The following MYLIP variants were observed in gnomAD, a reference collection of about 807,000 sequenced individuals.
MYLIP encodes the protein myosin regulatory light chain interacting protein, also known as E3 ubiquitin-protein ligase MYLIP.
A neutral mutation model predicts 45.8 loss-of-function variants in MYLIP; 26 were observed. That is an observed-to-expected ratio of 0.57 (90% CI 0.42 to 0.79). MYLIP has a LOEUF of 0.79. Among genes scored for constraint, MYLIP ranks in the 30% least tolerant of loss-of-function variants. The probability of loss-of-function intolerance (pLI) is 0.00; values close to 1 mark genes in which losing one functional copy is unlikely to be tolerated. For synonymous variants in MYLIP, 213 were observed against 218.1 expected, an observed-to-expected ratio of 0.98 and a Z score of 0.21; for missense variants, 494 against 555.6, an observed-to-expected ratio of 0.89 and a Z score of 1.11.
chr6:16,136,377 T>A (rs1021451319), intron 2 of MYLIP, among the ~76,000 whole-genome samples: 2 of 152,142 alleles, frequency 1.3e-5, no homozygotes, highest in Non-Finnish European at 2.9e-5. Flanking sequence ...CATCACAGAT[T>A]TTTTGAGATC....
downstream of MYLIP, among the ~76,000 whole-genome samples, chr6:16,152,844 C>T (rs932180089): frequency 6.6e-6 from 1 of 152,016 alleles, no homozygotes; most frequent in Non-Finnish European, 1.5e-5. Context: ...TGGAAGGAGC[C>T]AGTTCAAAAA....
At chr6:16,132,252 A>C (rs1424225163) in intron 2 of MYLIP, among the ~76,000 whole-genome samples, 1 of 152,222 alleles carries the variant, frequency 6.6e-6, no homozygotes, top group Non-Finnish European at 1.5e-5. Context: ...TTATGAATGT[A>C]TTCAGACTTT....
At position 16,144,958 on chromosome 6, in the gene MYLIP, G is replaced by T; in HGVS notation, c.889G>T (p.Ala297Ser). 1 of 1,614,188 alleles carries T rather than the reference G, an allele frequency of 6.2e-7. No individual in the cohort carries two copies. The highest frequency in any genetic ancestry group is 8.5e-7 in the Non-Finnish European group (1 of 1,180,040). ...QYSRDLKGHL[A>S]SLFLNENINL... Reference sequence around the variant, plus strand: ...TAGCCGTGACTTGAAGGGCCACTTGGCATCTCTGTTTCTGAATGAAAACAT... The same window carrying T: ...TAGCCGTGACTTGAAGGGCCACTTGTCATCTCTGTTTCTGAATGAAAACAT... The change falls in exon 6 of 7, where the codon GCA becomes TCA. Residue 297 changes from alanine to serine, a missense_variant. Coordinates refer to ENST00000356840, the MANE Select transcript of MYLIP (RefSeq NM_013262.4).
At chr6:16,135,755 CTAT>C (rs1759539706) in intron 2 of MYLIP, among the ~76,000 whole-genome samples, 1 of 125,262 alleles carries the variant, frequency 8.0e-6, no homozygotes, top group African/African-American at 3.2e-5. Flanking sequence ...ATACATATAT[CTAT>C]ATATATATAT....
intron 2 of MYLIP, among the ~76,000 whole-genome samples, chr6:16,135,775 A>ATATATATG (rs1220728725): frequency 2.1e-5 from 3 of 146,182 alleles, no homozygotes; most frequent in East Asian, 4.0e-4. Context: ...ATATATATAT[A>ATATATATG]TATGTATGCT....
At chr6:16,156,686 T>A in the MYLIP span, among the ~76,000 whole-genome samples, 1 of 152,238 alleles carries the variant, frequency 6.6e-6, no homozygotes, top group Non-Finnish European at 1.5e-5. Flanking sequence ...TGAATATCCG[T>A]GGCTTGGGAA....
chr6:16,155,500 C>A, the MYLIP span, among the ~76,000 whole-genome samples: 138 of 152,338 alleles, frequency 9.1e-4, 1 homozygote, highest in African/African-American at 3.1e-3. Flanking sequence ...TGTAGGTGAA[C>A]CAAGTATCTT....
chr6:16,157,712 A>T, the MYLIP span, among the ~76,000 whole-genome samples: 1 of 152,236 alleles, frequency 6.6e-6, no homozygotes. Flanking sequence ...TGAACAGAAG[A>T]TATGGATTTA....
chr6:16,161,948 A>G, the MYLIP span, among the ~76,000 whole-genome samples: 4 of 152,234 alleles, frequency 2.6e-5, no homozygotes, highest in Non-Finnish European at 4.4e-5. Flanking sequence ...ATTGTCAGTT[A>G]CCAAACATTC....
At chr6:16,162,743 G>A in the MYLIP span, among the ~76,000 whole-genome samples, 1 of 133,208 alleles carries the variant, frequency 7.5e-6, no homozygotes, top group African/African-American at 3.1e-5. Context: ...TTGAGTCCAG[G>A]AGTTCTAGAC....
intron 2 of MYLIP, among the ~76,000 whole-genome samples, chr6:16,131,335 A>G (rs1276176282): frequency 6.6e-6 from 1 of 152,202 alleles, no homozygotes; most frequent in South Asian, 2.1e-4. Context: ...CTGAATTCCA[A>G]CCCACAGATA....
intron 3 of MYLIP, 108 bp from the exon 4 acceptor site, chr6:16,142,909 AGTT>A: frequency 9.1e-7 from 1 of 1,104,336 alleles, no homozygotes. Flanking sequence ...ATAAGTTTTA[AGTT>A]GTTGTGATTC....
intron 2 of MYLIP, among the ~76,000 whole-genome samples, chr6:16,140,432 G>T (rs1210168460): frequency 6.6e-6 from 1 of 152,134 alleles, no homozygotes; most frequent in Non-Finnish European, 1.5e-5. Flanking sequence ...AAGGTTGGAA[G>T]GTAAACTAAT....
At chr6:16,145,537 T>A (rs9396644) in intron 6 of MYLIP, among the ~76,000 whole-genome samples, 3 of 152,206 alleles carry the variant, frequency 2.0e-5, no homozygotes, top group Non-Finnish European at 4.4e-5. Flanking sequence ...AATTATGCAG[T>A]GTTTTCAAGT....
Position 16,129,431 on chromosome 6 carries a change from G to A in MYLIP, c.87+22G>A, listed in dbSNP as rs751066495. The A allele has an allele frequency of 2.2e-5, 34 of 1,563,126 alleles. No individual in the cohort carries two copies. The highest frequency in any genetic ancestry group is 2.5e-5 in the Non-Finnish European group (29 of 1,154,808). ...CCAGGTGAGGGCGAGGGGCAAGAAG[G>A]GGCCCCGGCGGGTCCCGCGAGGCCG... On this transcript the variant is annotated intron_variant, in intron 1 of 6. Transcript: ENST00000356840. This position sits in a 1 kb window ranked among gnomAD's most constrained non-coding sequence, Gnocchi z 5.1.
Position 16,139,313 on chromosome 6 carries a change from A to G in MYLIP, c.279-2312A>G, listed in dbSNP as rs538392230. 2.2e-3 allele frequency among the ~76,000 whole-genome samples: 336 copies of G among 151,654 alleles called. 1 individual carries two copies. The highest frequency in any genetic ancestry group is 7.7e-3 in the African/African-American group (317 of 41,314). On this transcript the variant is annotated intron_variant, in intron 2 of 6. Coordinates refer to ENST00000356840, the MANE Select transcript of MYLIP (RefSeq NM_013262.4). ...CGAGGCAGGAGAATCGCTTGAACCC[A>G]GGAGGCGGAGCTTGCAGTGAGCCCA... is the stretch of plus-strand genomic sequence containing the variant.
At chr6:16,158,094 T>G in the MYLIP span, among the ~76,000 whole-genome samples, 1 of 152,224 alleles carries the variant, frequency 6.6e-6, no homozygotes, top group African/African-American at 2.4e-5. Flanking sequence ...CTGTGTCACC[T>G]TTCCAAAGAG....
Position 16,143,731 on chromosome 6 carries a change from A to G in MYLIP, c.695A>G (p.Gln232Arg). ...IAYPVVQMATQSGKNVYLTVT... is the reference protein window; with the variant it reads ...IAYPVVQMATRSGKNVYLTVT... ...TATCCTGTGGTGCAGATGGCCACCCAGTCAGGAAAGAATGTATATTTGACG... is the reference window on the plus strand; with the variant it reads ...TATCCTGTGGTGCAGATGGCCACCCGGTCAGGAAAGAATGTATATTTGACG... The change falls in exon 5 of 7, where the codon CAG becomes CGG. Residue 232 changes from glutamine to arginine, a missense_variant. Coordinates refer to ENST00000356840, the MANE Select transcript of MYLIP (RefSeq NM_013262.4). The G allele has an allele frequency of 6.2e-7, 1 of 1,614,144 alleles. No homozygotes were observed. Among genetic ancestry groups the G allele is most frequent in the African/African-American group, 1.3e-5 (1 of 75,016 alleles).
downstream of MYLIP, among the ~76,000 whole-genome samples, chr6:16,148,443 C>CT (rs755832345): frequency 0.011 from 1,209 of 106,696 alleles, 9 homozygotes; most frequent in African/African-American, 0.029. Flanking sequence ...AGAGTATAGT[C>CT]TTTTTTTTTT....
Sources: allele counts gnomAD v4.1 joint callset (sites outside exome capture counted in the v4.1 genomes callset), GRCh38; gene constraint gnomAD v4.1.1; non-coding constraint Gnocchi (gnomAD v3.1); transcripts MANE v1.5; gene names NCBI Gene and HGNC (gene_info 2026-07-23, HGNC 2026-07-21).